Variants in PCDHA7 observed in about 807,000 individuals in gnomAD.
PCDHA7 encodes protocadherin alpha-7.
In PCDHA7, 37 loss-of-function variants were observed where a neutral mutation model predicts 57.2. The ratio of observed to expected loss-of-function variants is 0.65; its 90% CI spans 0.50 to 0.85. PCDHA7 has a LOEUF of 0.85. Ranked by LOEUF, PCDHA7 falls within the 40% of genes least tolerant of loss-of-function variation. The probability of loss-of-function intolerance (pLI) is 0.00; values close to 1 mark genes in which losing one functional copy is unlikely to be tolerated. For missense variants in PCDHA7, 1,188 were observed against 1,241.8 expected (o/e 0.96, Z 0.65); for synonymous variants, 553 against 558.8 (o/e 0.99, Z 0.15).
At chr5:140,872,016 C>T (rs2053445167) in intron 1 of PCDHA7, among the ~76,000 whole-genome samples, 1 of 152,182 alleles carries the variant, frequency 6.6e-6, no homozygotes, top group Non-Finnish European at 1.5e-5. Flanking sequence ...TGACCTGTAG[C>T]CTGGAACTGC....
intron 2 of PCDHA7, among the ~76,000 whole-genome samples, chr5:140,981,687 A>ATCATTCATTCAT (rs200213847): frequency 1.1e-4 from 17 of 151,972 alleles, no homozygotes; most frequent in African/African-American, 4.1e-4. Context: ...CCTCCCTTCC[A>ATCATTCATTCAT]TCATTCATTC....
At chr5:140,926,165 T>A (rs570168495) in intron 1 of PCDHA7, among the ~76,000 whole-genome samples, 31 of 151,794 alleles carry the variant, frequency 2.0e-4, no homozygotes, top group Admixed American at 1.5e-3. Flanking sequence ...TGCAGCAGGA[T>A]CCAGCGCGGA....
intron 3 of PCDHA7, among the ~76,000 whole-genome samples, chr5:141,003,141 AGACTC>A (rs1554258926): frequency 1.3e-5 from 2 of 152,202 alleles, no homozygotes; most frequent in African/African-American, 4.8e-5. Flanking sequence ...GCCTTGGCAA[AGACTC>A]TGACCTGATC....
intron 1 of PCDHA7, chr5:140,852,024 C>T (rs1554145640): frequency 4.2e-6 from 4 of 949,416 alleles, no homozygotes; most frequent in East Asian, 1.1e-4. Flanking sequence ...TTAAAAACTT[C>T]GCTTATTGAG....
chr5:140,871,561 T>C, intron 1 of PCDHA7: 1 of 1,485,946 alleles, frequency 6.7e-7, no homozygotes, highest in Non-Finnish European at 9.0e-7. Context: ...CAGTTTTTTT[T>C]CACGGATTTT....
intron 1 of PCDHA7, among the ~76,000 whole-genome samples, chr5:140,909,531 G>A (rs2074565633): frequency 6.6e-6 from 1 of 152,160 alleles, no homozygotes. Flanking sequence ...CACATTTTGA[G>A]TCCTTGATGG....
chr5:140,878,450 A>T (rs2057594535), intron 1 of PCDHA7, among the ~76,000 whole-genome samples: 1 of 152,224 alleles, frequency 6.6e-6, no homozygotes, highest in Non-Finnish European at 1.5e-5. Context: ...TCTTATTTAC[A>T]TGAAATATAA....
chr5:140,975,841 G>T (rs1389959509), intron 1 of PCDHA7, among the ~76,000 whole-genome samples: 1 of 152,066 alleles, frequency 6.6e-6, no homozygotes, highest in Non-Finnish European at 1.5e-5. Context: ...TTATTCTTCA[G>T]TAATACTACA....
intron 1 of PCDHA7, among the ~76,000 whole-genome samples, chr5:140,977,466 T>A (rs1554238584): frequency 2.0e-5 from 3 of 152,246 alleles, no homozygotes; most frequent in African/African-American, 4.8e-5. Context: ...ATTTGGTCTG[T>A]AGATAATTTT....
chr5:140,875,924 A>G (rs782181544), intron 1 of PCDHA7: 5 of 1,613,936 alleles, frequency 3.1e-6, no homozygotes, highest in Non-Finnish European at 4.2e-6. Context: ...CTGGACTCTC[A>G]TTTTCCTCTA....
At chr5:140,888,695 A>G (rs1161003821) in intron 1 of PCDHA7, among the ~76,000 whole-genome samples, 3 of 152,094 alleles carry the variant, frequency 2.0e-5, no homozygotes, top group African/African-American at 7.2e-5. Flanking sequence ...CTCTTCTCTG[A>G]TTGGTAGGAA....
intron 1 of PCDHA7, chr5:140,848,940 G>C: frequency 6.2e-7 from 1 of 1,607,456 alleles, no homozygotes; most frequent in Non-Finnish European, 8.5e-7. Context: ...CAGGCCGCTT[G>C]ACTCTCGGTT....
At chr5:140,841,325 G>T in intron 1 of PCDHA7, 1 of 1,608,154 alleles carries the variant, frequency 6.2e-7, no homozygotes, top group Non-Finnish European at 8.5e-7. Flanking sequence ...ATTTAACATG[G>T]ATTATCACTG....
intron 1 of PCDHA7, among the ~76,000 whole-genome samples, chr5:140,954,400 A>G (rs1349668578): frequency 6.6e-6 from 1 of 152,214 alleles, no homozygotes; most frequent in East Asian, 1.9e-4. Context: ...CAACCCCACC[A>G]ACAGGGTAAA....
chr5:140,892,874 C>T (rs1157291129), intron 1 of PCDHA7, among the ~76,000 whole-genome samples: 2 of 152,148 alleles, frequency 1.3e-5, no homozygotes, highest in Non-Finnish European at 2.9e-5. Flanking sequence ...GCTATAATTT[C>T]GTATCCATTA....
At chr5:140,978,914 C>T (rs2096828574) in intron 1 of PCDHA7, 35 bp from the exon 2 acceptor site, 5 of 1,613,852 alleles carry the variant, frequency 3.1e-6, no homozygotes, top group Non-Finnish European at 3.4e-6. Flanking sequence ...ATTGTCTTGT[C>T]ATTTTAACAG....
intron 1 of PCDHA7, among the ~76,000 whole-genome samples, chr5:140,897,728 A>G (rs1554187548): frequency 6.6e-6 from 1 of 152,092 alleles, no homozygotes; most frequent in Non-Finnish European, 1.5e-5. Flanking sequence ...TGGGTCAAAT[A>G]GTATTTCTAG....
chr5:140,927,493 C>G, intron 1 of PCDHA7: 1 of 1,614,144 alleles, frequency 6.2e-7, no homozygotes. Flanking sequence ...CACCCACCTG[C>G]TGGTGCTTAC....
intron 1 of PCDHA7, chr5:140,870,875 C>A (rs1235290760): frequency 6.2e-7 from 1 of 1,613,912 alleles, no homozygotes; most frequent in Non-Finnish European, 8.5e-7. Flanking sequence ...CACGTGGTGG[C>A]GAAGGTGCGC....
Sources: allele counts gnomAD v4.1 joint callset (sites outside exome capture counted in the v4.1 genomes callset), GRCh38; gene constraint gnomAD v4.1.1; transcripts MANE v1.5; gene names NCBI Gene and HGNC (gene_info 2026-07-23, HGNC 2026-07-21).